Variants in CDS2 observed in about 807,000 individuals in gnomAD.
CDS2 encodes the protein phosphatidate cytidylyltransferase 2.
A neutral mutation model predicts 59.0 loss-of-function variants in CDS2; 47 were observed. The ratio of observed to expected loss-of-function variants is 0.80; its 90% CI spans 0.63 to 1.02. CDS2 has a LOEUF of 1.02. Among genes scored for constraint, CDS2 ranks in the 50% least tolerant of loss-of-function variants. CDS2 has a pLI of 0.00. For missense variants in CDS2, 356 were observed against 558.9 expected, an observed-to-expected ratio of 0.64 and a Z score of 3.66; for synonymous variants, 207 against 206.4, an observed-to-expected ratio of 1.00 and a Z score of -0.02.
At chr20:5,162,446 A>G (rs1055874012) in intron 1 of CDS2, among the ~76,000 whole-genome samples, 1 of 152,066 alleles carries the variant, frequency 6.6e-6, no homozygotes, top group Non-Finnish European at 1.5e-5. Flanking sequence ...GGGTATATAG[A>G]CTCGCATGCT....
At chr20:5,131,308 TCTC>T (rs1384704210) in intron 1 of CDS2, among the ~76,000 whole-genome samples, 4 of 152,158 alleles carry the variant, frequency 2.6e-5, no homozygotes, top group Non-Finnish European at 5.9e-5. Flanking sequence ...AAGGAAATGT[TCTC>T]CTCTGGGAAC....
At chr20:5,162,834 G>A (rs1220095982) in intron 1 of CDS2, among the ~76,000 whole-genome samples, 1 of 152,120 alleles carries the variant, frequency 6.6e-6, no homozygotes, top group Non-Finnish European at 1.5e-5. Context: ...TGGTATGGAG[G>A]TAGCTGAGAG....
At chr20:5,133,580 T>C (rs960994098) in intron 1 of CDS2, among the ~76,000 whole-genome samples, 1 of 152,110 alleles carries the variant, frequency 6.6e-6, no homozygotes, top group South Asian at 2.1e-4. Context: ...CAGGCTGGAG[T>C]GTAATGGTAT....
chr20:5,147,906 G>C (rs575402557), intron 1 of CDS2, among the ~76,000 whole-genome samples: 1 of 151,998 alleles, frequency 6.6e-6, no homozygotes, highest in Non-Finnish European at 1.5e-5. Context: ...CTCATTGTCT[G>C]ATTTGTGTCT....
Position 5,191,572 on chromosome 20 carries a change from G to A in CDS2, c.*1338G>A, listed in dbSNP as rs1435401527. ...GTGGATGTTTTCATTGCCAACGAGG[G>A]TGTAATGATTTGCTTCTGCACCTTG... On this transcript the variant is annotated 3_prime_UTR_variant, in exon 13 of 13. Transcript: ENST00000460006. 6.6e-6 allele frequency: 1 copy of A among 152,166 alleles called. No individual in the cohort carries two copies. Among genetic ancestry groups the A allele is most frequent in the African/African-American group, 2.4e-5 (1 of 41,428 alleles). The allele number at this position is 152,166 out of a possible 1,614,324, so 9.4% of individuals were successfully genotyped here. A position where few individuals can be genotyped will look rare whatever the true frequency, so the allele number is the denominator to read the frequency against.
chr20:5,140,503 T>G (rs977661244), intron 1 of CDS2, among the ~76,000 whole-genome samples: 3 of 152,214 alleles, frequency 2.0e-5, no homozygotes, highest in African/African-American at 7.2e-5. Context: ...GTTGGACTCC[T>G]TGGTTTATAG....
At chr20:5,158,048 C>T (rs538446982) in intron 1 of CDS2, among the ~76,000 whole-genome samples, 1 of 151,470 alleles carries the variant, frequency 6.6e-6, no homozygotes, top group South Asian at 2.1e-4. Flanking sequence ...TGTTTGTTTG[C>T]TTGTTTTAGC....
At chr20:5,174,225 A>G (rs1298610323) in intron 2 of CDS2, among the ~76,000 whole-genome samples, 3 of 152,158 alleles carry the variant, frequency 2.0e-5, no homozygotes, top group Non-Finnish European at 2.9e-5. Flanking sequence ...TAAGACCCCA[A>G]AGCATTATCT....
chr20:5,164,978 C>A (rs2090903038), intron 1 of CDS2, among the ~76,000 whole-genome samples: 1 of 152,148 alleles, frequency 6.6e-6, no homozygotes, highest in South Asian at 2.1e-4. Context: ...TGCATCTACT[C>A]CAGAAGGAGG....
chr20:5,177,714 A>C (rs1290710636), intron 4 of CDS2, among the ~76,000 whole-genome samples: 1 of 152,186 alleles, frequency 6.6e-6, no homozygotes, highest in African/African-American at 2.4e-5. Context: ...GTCACTGTCA[A>C]GGAAGCCGAT....
At position 5,142,508 on chromosome 20, in the gene CDS2, A is replaced by C. The variant is rs114430469; in HGVS notation, c.57+15359A>C. On this transcript the variant is annotated intron_variant, in intron 1 of 12. Transcript: ENST00000460006. ...TCTAATTTGGATCCTGATCCAATCAAACTGCAATAAAGAGAAAGAATTGAA... is the reference window on the plus strand; with the variant it reads ...TCTAATTTGGATCCTGATCCAATCACACTGCAATAAAGAGAAAGAATTGAA... Among the ~76,000 whole-genome samples, 800 of 152,342 alleles carry C rather than the reference A, an allele frequency of 5.3e-3. 6 individuals are homozygous for C. The highest frequency in any genetic ancestry group is 0.018 in the African/African-American group (764 of 41,572).
chr20:5,169,228 G>A (rs369324726), intron 1 of CDS2, among the ~76,000 whole-genome samples: 19 of 152,306 alleles, frequency 1.2e-4, no homozygotes, highest in Admixed American at 5.9e-4. Context: ...CCCGGCCCTC[G>A]GGATTGAAAG....
At chr20:5,161,117 G>T (rs6053166) in intron 1 of CDS2, among the ~76,000 whole-genome samples, 65,511 of 152,030 alleles carry the variant, frequency 0.43, 14,549 homozygotes, top group South Asian at 0.55. Flanking sequence ...GATTTTTTGA[G>T]GAACTGCCAG....
intron 1 of CDS2, among the ~76,000 whole-genome samples, chr20:5,142,201 C>G (rs184437555): frequency 6.6e-6 from 1 of 152,060 alleles, no homozygotes; most frequent in East Asian, 1.9e-4. Context: ...AATCCCAGCA[C>G]TTTGGGAGGC....
chr20:5,145,822 G>GGTTTTTTTTTTTTTTTTTTTTTT (rs773575866), intron 1 of CDS2, among the ~76,000 whole-genome samples: 3 of 129,252 alleles, frequency 2.3e-5, no homozygotes, highest in East Asian at 4.6e-4. Context: ...TGCTTTTTGT[G>GGTTTTTTTTTTTTTTTTTTTTTT]TTTTTTTTTT....
At chr20:5,167,171 C>G (rs1263993709) in intron 1 of CDS2, among the ~76,000 whole-genome samples, 1 of 152,184 alleles carries the variant, frequency 6.6e-6, no homozygotes, top group Admixed American at 6.5e-5. Flanking sequence ...ATAGCTTTAT[C>G]TGGAGACAGA....
In CDS2 at chr20:5,186,037, C is replaced by CT. The variant is rs751952417; in HGVS notation, c.828+212dup. ...AGTTGGAGAGCACCTTCTATGCCCT[C>CT]TCGCGCCCAGGCATGGTGACATCAG... On this transcript the variant is annotated intron_variant, in intron 9 of 12. Coordinates refer to ENST00000460006, the MANE Select transcript of CDS2 (RefSeq NM_003818.4). Among the ~76,000 whole-genome samples the CT allele has an allele frequency of 2.6e-5, 4 of 152,390 alleles. No homozygotes were observed. In the East Asian group the frequency reaches 7.7e-4, roughly 29 times the overall value.
At chr20:5,174,622 G>A (rs1292359512) in intron 2 of CDS2, among the ~76,000 whole-genome samples, 1 of 151,972 alleles carries the variant, frequency 6.6e-6, no homozygotes, top group Non-Finnish European at 1.5e-5. Flanking sequence ...CTACTCGGGA[G>A]GCTGAGGCAA....
chr20:5,164,034 C>T (rs1355562265), intron 1 of CDS2, among the ~76,000 whole-genome samples: 11 of 152,034 alleles, frequency 7.2e-5, no homozygotes, highest in Non-Finnish European at 8.8e-5. Context: ...CAGGTGATTG[C>T]CCACCTTGGC....
Sources: gnomAD v4.1 joint callset for allele counts (sites outside exome capture counted in the v4.1 genomes callset) on GRCh38, gnomAD v4.1.1 for gene constraint, MANE v1.5 for transcripts, NCBI Gene and HGNC (gene_info 2026-07-23, HGNC 2026-07-21) for gene names.